Variants in SDK1 observed in about 807,000 individuals in gnomAD.
SDK1 encodes the protein protein sidekick-1.
SDK1 carries 157 observed loss-of-function variants against 245.5 expected under a neutral mutation model. The ratio of observed to expected loss-of-function variants is 0.64; its 90% CI spans 0.56 to 0.73. SDK1 has a LOEUF of 0.73. SDK1 is among the 30% of genes least tolerant of loss of function. The pLI is 0.00. For synonymous variants in SDK1, 1,647 were observed against 1,278.5 expected, an observed-to-expected ratio of 1.29 and a Z score of -6.15; for missense variants, 3,583 against 3,002.3, an observed-to-expected ratio of 1.19 and a Z score of -4.52.
chr7:4,226,541 A>G (rs1297387917), intron 40 of SDK1, among the ~76,000 whole-genome samples: 2 of 152,258 alleles, frequency 1.3e-5, no homozygotes, highest in Admixed American at 6.5e-5. Context: ...AGAACTGAGC[A>G]GCAGCTAATG....
At chr7:4,138,617 C>T (rs151297759) in intron 28 of SDK1, among the ~76,000 whole-genome samples, 1 of 151,810 alleles carries the variant, frequency 6.6e-6, no homozygotes, top group Non-Finnish European at 1.5e-5. Flanking sequence ...CATGTTGGCA[C>T]ACACCTGTAA....
At chr7:3,420,819 T>G (rs570822049) in intron 1 of SDK1, among the ~76,000 whole-genome samples, 1 of 152,300 alleles carries the variant, frequency 6.6e-6, no homozygotes, top group South Asian at 2.1e-4. Flanking sequence ...GATAAACATG[T>G]ACCATGGTGG....
intron 1 of SDK1, among the ~76,000 whole-genome samples, chr7:3,595,132 T>A (rs1211284092): frequency 6.6e-6 from 1 of 152,180 alleles, no homozygotes; most frequent in African/African-American, 2.4e-5. Context: ...TTCTCCCGAT[T>A]ACTTTTTTTT....
chr7:4,057,779 A>G (rs796103841), intron 19 of SDK1, among the ~76,000 whole-genome samples: 1 of 152,236 alleles, frequency 6.6e-6, no homozygotes, highest in Non-Finnish European at 1.5e-5. Context: ...CGCTGAGGAA[A>G]TCACAGACAC....
chr7:3,557,765 G>A (rs754837638), intron 1 of SDK1, among the ~76,000 whole-genome samples: 14 of 151,820 alleles, frequency 9.2e-5, no homozygotes, highest in Non-Finnish European at 1.6e-4. Context: ...TTAAATTTTC[G>A]ATTAAAAAAA....
intron 5 of SDK1, among the ~76,000 whole-genome samples, chr7:3,884,497 C>A (rs1006924670): frequency 4.6e-5 from 7 of 152,210 alleles, no homozygotes; most frequent in African/African-American, 1.7e-4. Context: ...TCAGTGAGAG[C>A]AGTTAGCGCC....
chr7:3,974,703 AGGTTTTTTTGT>A (rs1782769700), intron 13 of SDK1, 158 bp downstream of exon 13: 1 of 605,004 alleles, frequency 1.7e-6, no homozygotes, highest in African/African-American at 1.9e-5. Context: ...TATATGGACA[AGGTTTTTTTGT>A]GGTTTCTTTC....
At chr7:3,530,521 C>G (rs73035985) in intron 1 of SDK1, among the ~76,000 whole-genome samples, 16,212 of 152,132 alleles carry the variant, frequency 0.11, 1,231 homozygotes, top group African/African-American at 0.21. Context: ...GTTGATAGAA[C>G]TTAAAAATTC....
intron 1 of SDK1, among the ~76,000 whole-genome samples, chr7:3,456,013 T>C (rs1469830938): frequency 1.3e-5 from 2 of 152,212 alleles, no homozygotes; most frequent in Non-Finnish European, 2.9e-5. Context: ...GTAGAATTCA[T>C]GGTTGACAGT....
chr7:3,658,116 G>A (rs1201232547), intron 4 of SDK1, among the ~76,000 whole-genome samples: 1 of 152,172 alleles, frequency 6.6e-6, no homozygotes, highest in African/African-American at 2.4e-5. Flanking sequence ...ATAACACCCT[G>A]GCTTGCCCGC....
At chr7:3,495,654 C>T (rs1481959532) in intron 1 of SDK1, among the ~76,000 whole-genome samples, 1 of 152,236 alleles carries the variant, frequency 6.6e-6, no homozygotes, top group Non-Finnish European at 1.5e-5. Context: ...TGTCATGCTT[C>T]CCATAAAGAC....
intron 5 of SDK1, among the ~76,000 whole-genome samples, chr7:3,892,618 A>C (rs1039959624): frequency 1.3e-5 from 2 of 152,218 alleles, no homozygotes; most frequent in Non-Finnish European, 2.9e-5. Context: ...AGATTCCAAA[A>C]AGAAACCCAG....
intron 4 of SDK1, among the ~76,000 whole-genome samples, chr7:3,765,124 G>A (rs1021231457): frequency 1.3e-5 from 2 of 152,014 alleles, no homozygotes. Context: ...AAAAATTTGA[G>A]AATCACTGGT....
intron 4 of SDK1, among the ~76,000 whole-genome samples, chr7:3,776,087 T>C (rs1201980983): frequency 6.6e-6 from 1 of 152,222 alleles, no homozygotes; most frequent in African/African-American, 2.4e-5. Flanking sequence ...TGCCAGACAC[T>C]GGAGTCAGAA....
At chr7:4,083,613 T>A (rs1781213555) in intron 22 of SDK1, among the ~76,000 whole-genome samples, 2 of 82,798 alleles carry the variant, frequency 2.4e-5, no homozygotes, top group Non-Finnish European at 2.3e-5. Flanking sequence ...CCCTCCCTTC[T>A]CTTGTCCCTC....
chr7:3,797,518 A>C (rs531859789), intron 4 of SDK1, among the ~76,000 whole-genome samples: 24 of 152,126 alleles, frequency 1.6e-4, no homozygotes, highest in African/African-American at 5.8e-4. Flanking sequence ...GATGTTTTAA[A>C]AAATTAGATC....
chr7:3,904,644 C>A (rs540593103), intron 5 of SDK1, among the ~76,000 whole-genome samples: 1 of 151,912 alleles, frequency 6.6e-6, no homozygotes, highest in Non-Finnish European at 1.5e-5. Context: ...CAGTGGGCTA[C>A]GATAACACCA....
At chr7:3,802,397 T>C (rs1343723727) in intron 4 of SDK1, among the ~76,000 whole-genome samples, 4 of 152,078 alleles carry the variant, frequency 2.6e-5, no homozygotes, top group African/African-American at 9.7e-5. Context: ...TAGCCAGGCA[T>C]GGTGGCACGC....
In SDK1 at chr7:3,899,264, T is replaced by G. The variant is rs563794127; in HGVS notation, c.848-51659T>G. Among the ~76,000 whole-genome samples, 7 of 152,242 alleles carry G rather than the reference T, an allele frequency of 4.6e-5. No individual in the cohort carries two copies. In the South Asian group the frequency reaches 8.3e-4, roughly 18 times the overall value. ...AGTCTCCCTACAGAAATATTGCGCT[T>G]TAACACTTCCACTTTTTCCATGACA... is the stretch of plus-strand genomic sequence containing the variant. On this transcript the variant is annotated intron_variant, in intron 5 of 44. Transcript: ENST00000404826.
Sources: allele counts gnomAD v4.1 joint callset (sites outside exome capture counted in the v4.1 genomes callset), GRCh38; gene constraint gnomAD v4.1.1; transcripts MANE v1.5; gene names NCBI Gene and HGNC (gene_info 2026-07-23, HGNC 2026-07-21).